SORBS2: variants seen among roughly 807,000 people sequenced by gnomAD.
The protein encoded by SORBS2 is sorbin and SH3 domain-containing protein 2.
Under a neutral mutation model 97.7 loss-of-function variants are expected in SORBS2, and 46 were observed. That is an observed-to-expected ratio of 0.47 (90% CI 0.37 to 0.60). SORBS2 has a LOEUF of 0.60. SORBS2 is among the 20% of genes least tolerant of loss of function. The pLI is 0.00. For synonymous variants in SORBS2, 476 were observed against 473.4 expected, an observed-to-expected ratio of 1.01 and a Z score of -0.07; for missense variants, 1,316 against 1,282.3, an observed-to-expected ratio of 1.03 and a Z score of -0.40.
intron 1 of SORBS2, among the ~76,000 whole-genome samples, chr4:185,932,002 CTA>C (rs747703284): frequency 1.3e-5 from 2 of 148,556 alleles, no homozygotes; most frequent in African/African-American, 4.9e-5. Flanking sequence ...CTCTCTCTCT[CTA>C]TATATATATA....
chr4:185,766,656 A>C (rs1441384112), intron 2 of SORBS2, among the ~76,000 whole-genome samples: 1 of 152,324 alleles, frequency 6.6e-6, no homozygotes, highest in Middle Eastern at 3.4e-3. Flanking sequence ...AACACACACA[A>C]AACTCCTGGA....
chr4:185,731,587 C>T (rs28458918), intron 2 of SORBS2, among the ~76,000 whole-genome samples: 1 of 112,934 alleles, frequency 8.9e-6, no homozygotes, highest in East Asian at 3.1e-4. Flanking sequence ...TCCCTCTCTC[C>T]CTCCCTCCCT....
chr4:185,589,591 G>T, intron 14 of SORBS2, 88 bp downstream of exon 26: 1 of 768,682 alleles, frequency 1.3e-6, no homozygotes. Flanking sequence ...TTCAAAGGAA[G>T]CTCGGCCATC....
At chr4:185,686,947 T>C (rs937154405) in intron 2 of SORBS2, among the ~76,000 whole-genome samples, 1 of 152,236 alleles carries the variant, frequency 6.6e-6, no homozygotes, top group African/African-American at 2.4e-5. Flanking sequence ...TTCAACATAA[T>C]AGACGCGCTA....
In SORBS2 at chr4:185,654,691, G is replaced by A. The variant is rs543815941; in HGVS notation, c.24+1924C>T. Among the ~76,000 whole-genome samples the A allele has an allele frequency of 1.4e-3, 207 of 152,304 alleles. 1 individual carries two copies. Among genetic ancestry groups the A allele is most frequent in the South Asian group, 3.1e-3 (15 of 4,822 alleles). On this transcript the variant is annotated intron_variant, in intron 1 of 14. Transcript: ENST00000418609. ...AGTTCCTTTTGTAAATGCCATCATG[G>A]AGATCGCTATGCCTAAGGCTGAGAA...
In SORBS2 at chr4:185,596,755, G is replaced by A. The variant is rs527431559; in HGVS notation, c.2797-2820C>T. On this transcript the variant is annotated intron_variant, in intron 12 of 14. Coordinates refer to ENST00000418609, the Ensembl canonical transcript of SORBS2. ...TCACCATGTTAGCCAGGATGGTCTCGATCTCCTGACCTTGTGATCTTCCCG... is the reference window on the plus strand; with the variant it reads ...TCACCATGTTAGCCAGGATGGTCTCAATCTCCTGACCTTGTGATCTTCCCG... Among the ~76,000 whole-genome samples the A allele has an allele frequency of 3.3e-5, 5 of 151,962 alleles. No homozygotes were observed. In the East Asian group the frequency reaches 5.8e-4, roughly 18 times the overall value.
At chr4:185,868,841 G>A (rs1231182396) in intron 1 of SORBS2, among the ~76,000 whole-genome samples, 3 of 152,166 alleles carry the variant, frequency 2.0e-5, no homozygotes, top group Non-Finnish European at 4.4e-5. Flanking sequence ...GCAGTGGTTG[G>A]ACACTTTGTC....
At chr4:185,676,962 G>T in intron 4 of SORBS2, 1 of 1,525,856 alleles carries the variant, frequency 6.6e-7, no homozygotes, top group African/African-American at 1.4e-5. Context: ...CGATACGCAT[G>T]TATTAATACG....
chr4:185,940,519 C>A (rs2099271442), intron 1 of SORBS2, among the ~76,000 whole-genome samples: 1 of 152,150 alleles, frequency 6.6e-6, no homozygotes, highest in African/African-American at 2.4e-5. Context: ...GCATTCCGCT[C>A]CACACCAGCT....
At chr4:185,818,198 GT>G (rs2099194472) in intron 1 of SORBS2, among the ~76,000 whole-genome samples, 1 of 152,156 alleles carries the variant, frequency 6.6e-6, no homozygotes, top group Admixed American at 6.5e-5. Flanking sequence ...TTGTTTGTTT[GT>G]TTGTTTTTGA....
chr4:185,796,485 C>T (rs1212998039), intron 1 of SORBS2, among the ~76,000 whole-genome samples: 2 of 148,420 alleles, frequency 1.3e-5, no homozygotes, highest in East Asian at 2.0e-4. Flanking sequence ...TCCCTGGTCA[C>T]GGTGAGGCTG....
intron 1 of SORBS2, among the ~76,000 whole-genome samples, chr4:185,790,760 A>G: frequency 6.6e-6 from 1 of 152,212 alleles, no homozygotes; most frequent in East Asian, 1.9e-4. Context: ...ACTCTAAAAT[A>G]TGTTTATCAC....
intron 2 of SORBS2, among the ~76,000 whole-genome samples, chr4:185,689,616 G>A (rs1042162495): frequency 6.6e-6 from 1 of 152,304 alleles, no homozygotes; most frequent in East Asian, 1.9e-4. Context: ...CCTTCTCTGA[G>A]GCCACTACGG....
intron 2 of SORBS2, among the ~76,000 whole-genome samples, chr4:185,755,626 G>A (rs565625170): frequency 1.3e-5 from 2 of 152,180 alleles, no homozygotes; most frequent in African/African-American, 4.8e-5. Context: ...GAGGTTGGAA[G>A]TAGCAACAAG....
At chr4:185,785,366 A>G (rs2099051452) in intron 1 of SORBS2, among the ~76,000 whole-genome samples, 1 of 152,238 alleles carries the variant, frequency 6.6e-6, no homozygotes, top group Non-Finnish European at 1.5e-5. Context: ...CACAGGCAAC[A>G]TGAAAATTGT....
At chr4:185,831,612 C>T (rs941468361) in intron 1 of SORBS2, among the ~76,000 whole-genome samples, 7 of 152,090 alleles carry the variant, frequency 4.6e-5, no homozygotes, top group Non-Finnish European at 8.8e-5. Flanking sequence ...TCAGTGAGTC[C>T]GGCATTCCAT....
intron 1 of SORBS2, among the ~76,000 whole-genome samples, chr4:185,878,015 C>T (rs1388385660): frequency 6.6e-6 from 1 of 151,874 alleles, no homozygotes. Context: ...AGGAACTAGG[C>T]AGAAACATGT....
intron 2 of SORBS2, among the ~76,000 whole-genome samples, chr4:185,758,408 C>A (rs929913856): frequency 6.6e-6 from 1 of 152,302 alleles, no homozygotes; most frequent in South Asian, 2.1e-4. Context: ...TCTCCCTGGG[C>A]ATGCCTTCTC....
chr4:185,879,176 C>CCCGCCA (rs1491475757), intron 1 of SORBS2, among the ~76,000 whole-genome samples: 1 of 85,186 alleles, frequency 1.2e-5, no homozygotes, highest in African/African-American at 6.4e-5. Flanking sequence ...CCCCCCCCCC[C>CCCGCCA]ACCCCACGAC....
Sources: allele counts gnomAD v4.1 joint callset (sites outside exome capture counted in the v4.1 genomes callset), GRCh38; gene constraint gnomAD v4.1.1; transcripts MANE v1.5; gene names NCBI Gene and HGNC (gene_info 2026-07-23, HGNC 2026-07-21).